The following RSRC1 variants were observed in gnomAD, a reference collection of about 807,000 sequenced individuals.
The protein encoded by RSRC1 is serine/Arginine-related protein 53.
In RSRC1, 39 loss-of-function variants were observed where a neutral mutation model predicts 49.1. The ratio of observed to expected loss-of-function variants is 0.79; its 90% CI spans 0.61 to 1.04. RSRC1 has a LOEUF of 1.04. RSRC1 is among the 50% of genes least tolerant of loss of function. The pLI is 0.00. For missense variants in RSRC1, 388 were observed against 402.4 expected (o/e 0.96, Z 0.31); for synonymous variants, 143 against 130.8 (o/e 1.09, Z -0.63).
At chr3:158,505,913 A>G (rs1222745457) in intron 7 of RSRC1, among the ~76,000 whole-genome samples, 1 of 152,148 alleles carries the variant, frequency 6.6e-6, no homozygotes, top group Non-Finnish European at 1.5e-5. Flanking sequence ...ATGTAGGAAA[A>G]TGATGTGCAC....
chr3:158,420,505 T>C (rs1211028296), intron 6 of RSRC1, among the ~76,000 whole-genome samples: 3 of 151,866 alleles, frequency 2.0e-5, no homozygotes, highest in African/African-American at 7.2e-5. Context: ...TGCCACTAAT[T>C]AGCTGTGTCA....
At chr3:158,244,055 T>C (rs1441255447) in intron 4 of RSRC1, among the ~76,000 whole-genome samples, 2 of 151,886 alleles carry the variant, frequency 1.3e-5, no homozygotes, top group African/African-American at 4.8e-5. Context: ...ATATATAGGA[T>C]TACACCATCT....
At chr3:158,437,756 A>G (rs1553806480) in intron 6 of RSRC1, among the ~76,000 whole-genome samples, 1 of 152,194 alleles carries the variant, frequency 6.6e-6, no homozygotes, top group Non-Finnish European at 1.5e-5. Context: ...GAAAGCCAGC[A>G]CAAGACAAGG....
intron 7 of RSRC1, among the ~76,000 whole-genome samples, chr3:158,479,850 G>A (rs1203524119): frequency 6.6e-6 from 1 of 151,890 alleles, no homozygotes; most frequent in African/African-American, 2.4e-5. Flanking sequence ...AGATTTTGAG[G>A]CAATAGATAT....
intron 3 of RSRC1, among the ~76,000 whole-genome samples, chr3:158,164,930 T>C (rs1434162098): frequency 1.3e-5 from 2 of 152,188 alleles, no homozygotes; most frequent in African/African-American, 4.8e-5. Flanking sequence ...GATTATTGAT[T>C]GGAAAAGAGT....
In RSRC1 at chr3:158,209,611, C is replaced by T. The variant is rs182099164; in HGVS notation, c.494+6366C>T. ...ACCTGCTACCATGAAAAGTTTTCAC[C>T]GTTATTATTTCCTCATTGGATTTTC... On this transcript the variant is annotated intron_variant, in intron 4 of 9. Coordinates refer to ENST00000611884, the MANE Select transcript of RSRC1 (RefSeq NM_001271838.2). 3.8e-4 allele frequency among the ~76,000 whole-genome samples: 58 copies of T among 152,070 alleles called. 2 individuals carry two copies. The South Asian group carries it at 8.1e-3, about 21-fold the overall frequency.
intron 5 of RSRC1, among the ~76,000 whole-genome samples, chr3:158,309,631 T>C (rs1251577751): frequency 6.6e-6 from 1 of 151,796 alleles, no homozygotes; most frequent in Non-Finnish European, 1.5e-5. Context: ...TGGTACACTC[T>C]TATAAAAAAC....
At chr3:158,431,016 A>G (rs1735747803) in intron 6 of RSRC1, among the ~76,000 whole-genome samples, 1 of 151,954 alleles carries the variant, frequency 6.6e-6, no homozygotes, top group Non-Finnish European at 1.5e-5. Flanking sequence ...GATTCTGATG[A>G]GTTGTACAGT....
intron 3 of RSRC1, among the ~76,000 whole-genome samples, chr3:158,183,261 T>A (rs920395339): frequency 6.6e-6 from 1 of 151,814 alleles, no homozygotes; most frequent in African/African-American, 2.4e-5. Flanking sequence ...TTATTATTTT[T>A]AAGATAATAG....
intron 5 of RSRC1, among the ~76,000 whole-genome samples, chr3:158,344,405 A>G (rs923753512): frequency 2.0e-5 from 3 of 152,240 alleles, no homozygotes; most frequent in African/African-American, 4.8e-5. Flanking sequence ...GCAAATAGGT[A>G]TGAAAGCAGA....
chr3:158,334,085 A>AG (rs1321853450), intron 5 of RSRC1, among the ~76,000 whole-genome samples: 2 of 152,222 alleles, frequency 1.3e-5, no homozygotes, highest in East Asian at 3.8e-4. Context: ...GGACTAAAAA[A>AG]TGTGCTGATA....
intron 3 of RSRC1, among the ~76,000 whole-genome samples, chr3:158,196,878 T>A (rs1720656087): frequency 6.6e-6 from 1 of 152,234 alleles, no homozygotes; most frequent in Non-Finnish European, 1.5e-5. Context: ...ATAAGCTTTT[T>A]GATGCACTGC....
chr3:158,131,200 AT>A (rs1461655860), intron 3 of RSRC1, among the ~76,000 whole-genome samples: 2 of 151,928 alleles, frequency 1.3e-5, no homozygotes, highest in African/African-American at 2.4e-5. Context: ...TTAAATATAT[AT>A]TAACTAAGTT....
intron 7 of RSRC1, among the ~76,000 whole-genome samples, chr3:158,497,753 T>C (rs6762860): frequency 0.52 from 78,808 of 151,904 alleles, 20,901 homozygotes; most frequent in African/African-American, 0.63. Context: ...CATTCTTACG[T>C]CTTTGTGTCT....
chr3:158,153,076 C>T (rs1339649147), intron 3 of RSRC1, among the ~76,000 whole-genome samples: 1 of 152,168 alleles, frequency 6.6e-6, no homozygotes, highest in Admixed American at 6.5e-5. Context: ...TCCAGACAAC[C>T]TACCTCTGGG....
chr3:158,363,430 A>T (rs1418703377), intron 6 of RSRC1, among the ~76,000 whole-genome samples: 2 of 151,874 alleles, frequency 1.3e-5, no homozygotes. Flanking sequence ...CACCCAGCTA[A>T]TTTTTTGTAT....
chr3:158,421,793 TC>T (rs1012242413), intron 6 of RSRC1, among the ~76,000 whole-genome samples: 2 of 151,892 alleles, frequency 1.3e-5, no homozygotes, highest in African/African-American at 4.8e-5. Flanking sequence ...TTTTAAAACT[TC>T]CTTGCCTGCC....
chr3:158,457,654 A>G (rs186840344), intron 6 of RSRC1, among the ~76,000 whole-genome samples: 1 of 152,182 alleles, frequency 6.6e-6, no homozygotes, highest in East Asian at 1.9e-4. Flanking sequence ...ACAAATAATT[A>G]TCAGAATTAG....
At chr3:158,517,523 T>C (rs1740640240) in intron 7 of RSRC1, among the ~76,000 whole-genome samples, 1 of 152,102 alleles carries the variant, frequency 6.6e-6, no homozygotes, top group South Asian at 2.1e-4. Context: ...GGATTCCCTT[T>C]GCTTCAGATC....
Sources: gnomAD v4.1 joint callset for allele counts (sites outside exome capture counted in the v4.1 genomes callset) on GRCh38, gnomAD v4.1.1 for gene constraint, MANE v1.5 for transcripts, NCBI Gene and HGNC (gene_info 2026-07-23, HGNC 2026-07-21) for gene names.